EVC2: variants seen among roughly 807,000 people sequenced by gnomAD.
EVC2 encodes the protein limbin.
Under a neutral mutation model 149.3 loss-of-function variants are expected in EVC2, and 148 were observed. The observed-to-expected ratio is 0.99, with a 90% CI of 0.87 to 1.14. EVC2 has a LOEUF of 1.14. EVC2 is among the 50% of genes most tolerant of loss of function. EVC2 has a pLI of 0.00. For missense variants in EVC2, 1,854 were observed against 1,627.3 expected, an observed-to-expected ratio of 1.14 and a Z score of -2.40; for synonymous variants, 776 against 649.9, an observed-to-expected ratio of 1.19 and a Z score of -2.95.
chr4:5,699,386 C>T (rs1398534544), intron 1 of EVC2, among the ~76,000 whole-genome samples: 1 of 152,078 alleles, frequency 6.6e-6, no homozygotes, highest in Non-Finnish European at 1.5e-5. Context: ...CTATGGAGTA[C>T]CAGGCAGCTA....
In EVC2 at chr4:5,618,610, G is replaced by C; in HGVS notation, c.2574C>G (p.Cys858Trp). 1 of 1,613,638 alleles carries C rather than the reference G, an allele frequency of 6.2e-7. No homozygotes were observed. Among genetic ancestry groups the C allele is most frequent in the Non-Finnish European group, 8.5e-7 (1 of 1,179,842 alleles). The change falls in exon 15 of 22, where the codon TGC (cysteine) becomes TGG (tryptophan). Residue 858 changes from cysteine to tryptophan, a missense_variant. Transcript: ENST00000344408. The surrounding 1 kb of genome is among the most constrained non-coding windows in gnomAD (Gnocchi z 4.4). Reference sequence around the variant, plus strand: ...CCAAGCTCCTGTCCATCTGAGCAAAGCAGCCATGGACCTCCTGCCTCATCC... The same window carrying C: ...CCAAGCTCCTGTCCATCTGAGCAAACCAGCCATGGACCTCCTGCCTCATCC... The part of the protein sequence containing the change: ...LLRMRQEVHG[C>W]FAQMDRSLAL...
chr4:5,545,128 A>G (rs1721589651), intron 21 of EVC2, among the ~76,000 whole-genome samples: 1 of 152,172 alleles, frequency 6.6e-6, no homozygotes, highest in South Asian at 2.1e-4. Context: ...ACACCTATAG[A>G]TGGCCCTGTA....
At chr4:5,631,491 T>C in intron 11 of EVC2, among the ~76,000 whole-genome samples, 1 of 152,130 alleles carries the variant, frequency 6.6e-6, no homozygotes, top group Admixed American at 6.5e-5. Flanking sequence ...GTGGGCATTC[T>C]ATCACACTCA....
At chr4:5,645,909 A>G (rs1316007842) in intron 9 of EVC2, among the ~76,000 whole-genome samples, 4 of 152,006 alleles carry the variant, frequency 2.6e-5, no homozygotes, top group Admixed American at 6.6e-5. Context: ...TTGCTCCACA[A>G]CCTCACCAAC....
intron 4 of EVC2, 148 bp downstream of exon 4, chr4:5,691,117 A>T (rs1056872234): frequency 4.4e-6 from 3 of 689,248 alleles, no homozygotes; most frequent in Non-Finnish European, 7.9e-6. Context: ...GATATCACAG[A>T]CCTTGCTATT....
intron 16 of EVC2, among the ~76,000 whole-genome samples, chr4:5,592,298 C>G (rs567217730): frequency 5.9e-5 from 9 of 152,192 alleles, no homozygotes; most frequent in Non-Finnish European, 1.2e-4. Flanking sequence ...CTGAGCTGAA[C>G]CTGTCCCATT....
chr4:5,691,349 A>G lies in EVC2; in HGVS notation c.451-16T>C, dbSNP rs1244022566. The G allele has an allele frequency of 1.3e-5, 20 of 1,592,746 alleles. No individual in the cohort carries two copies. Among genetic ancestry groups the G allele is most frequent in the Non-Finnish European group, 1.7e-5 (20 of 1,163,594 alleles). ...TGTCCCCATACTACAATAAAATGTA[A>G]AAGTTATTAGAAAATGAGAAATATT... On this transcript the variant is annotated splice_polypyrimidine_tract_variant and intron_variant, in intron 3 of 21. Transcript: ENST00000344408.
In EVC2 at chr4:5,691,220, T is replaced by C. The variant is rs746992693; in HGVS notation, c.519+45A>G. ...CTCTAATAAAATGATCTGGGCAAAA[T>C]CCAATTATTTTCTCTTCAAATATAC... On this transcript the variant is annotated intron_variant, in intron 4 of 21. Transcript: ENST00000344408. 3 of 1,552,320 alleles carry C rather than the reference T, an allele frequency of 1.9e-6. No individual in the cohort carries two copies. The South Asian group carries it at 3.3e-5, about 17-fold the overall frequency.
rs755789146 is a variant in EVC2, at chr4:5,665,625, CGTGGAGGCCGTGGTGCGGCAGAACCT to C, written c.871-2_894del. On this transcript the variant is annotated splice_acceptor_variant and coding_sequence_variant, in exon 8 of 22. Coordinates refer to ENST00000344408, the MANE Select transcript of EVC2 (RefSeq NM_147127.5). LOFTEE classifies it high-confidence loss of function. ...AGGAAGGCAATGAAGAACCCTGCTG[CGTGGAGGCCGTGGTGCGGCAGAACCT>C]GTGGAGACAAGAGGAGAGCAGGATT... 6.2e-7 allele frequency: 1 copy of C among 1,614,182 alleles called. No individual in the cohort carries two copies. The highest frequency in any genetic ancestry group is 2.2e-5 in the East Asian group (1 of 44,884).
At chr4:5,666,142 T>C (rs528071237) in intron 7 of EVC2, among the ~76,000 whole-genome samples, 2 of 152,218 alleles carry the variant, frequency 1.3e-5, no homozygotes, top group Non-Finnish European at 2.9e-5. Flanking sequence ...TCTCTTGTCT[T>C]CTGACTGGTG....
chr4:5,557,511 C>T (rs11947153), downstream of EVC2, among the ~76,000 whole-genome samples: 775 of 152,240 alleles, frequency 5.1e-3, 6 homozygotes, highest in African/African-American at 0.018. Flanking sequence ...CAAAGATGTC[C>T]TCTTACAACT....
chr4:5,572,753 T>C (rs1309331325), intron 19 of EVC2, among the ~76,000 whole-genome samples: 1 of 152,222 alleles, frequency 6.6e-6, no homozygotes, highest in Non-Finnish European at 1.5e-5. Flanking sequence ...GGTGAAATTC[T>C]GCTGGTGACA....
intron 7 of EVC2, among the ~76,000 whole-genome samples, chr4:5,672,557 G>A (rs1409837373): frequency 6.6e-6 from 1 of 152,150 alleles, no homozygotes; most frequent in East Asian, 1.9e-4. Flanking sequence ...TTTGATGGGG[G>A]TTCAACTCTT....
chr4:5,695,667 T>G (rs545785782), intron 2 of EVC2, among the ~76,000 whole-genome samples: 1 of 152,318 alleles, frequency 6.6e-6, no homozygotes, highest in Admixed American at 6.5e-5. Flanking sequence ...CTTAGATGTA[T>G]CCAATGCTTC....
At position 5,708,503 on chromosome 4, in the gene EVC2, G is replaced by A. The variant is rs1468421367; in HGVS notation, c.11C>T (p.Ser4Leu). The A allele has an allele frequency of 1.1e-5, 16 of 1,476,626 alleles. No individual in the cohort carries two copies. In the Admixed American group the frequency reaches 2.8e-4, roughly 26 times the overall value. The allele number at this position is 1,476,626 out of a possible 1,614,324, so 91.5% of individuals were successfully genotyped here. MDP[S>L]GSRGRPTWVL... is the part of the protein sequence containing the mutation. Reference sequence around the variant, plus strand: ...CCACGTGGGGCGCCCCCGGGAGCCCGAGGGGTCCATCGCCTGTCGGGACCC... The same window carrying A: ...CCACGTGGGGCGCCCCCGGGAGCCCAAGGGGTCCATCGCCTGTCGGGACCC... Residue 4 changes from serine to leucine, a missense_variant, in exon 1 of 22, where the codon TCG becomes TTG. By Grantham distance (145) the Ser-to-Leu change is moderately radical (BLOSUM62 -2). Coordinates refer to ENST00000344408, the MANE Select transcript of EVC2 (RefSeq NM_147127.5).
At chr4:5,651,951 T>C (rs1219064102) in intron 9 of EVC2, among the ~76,000 whole-genome samples, 2 of 152,240 alleles carry the variant, frequency 1.3e-5, no homozygotes, top group East Asian at 3.8e-4. Flanking sequence ...AATCAGGCGA[T>C]CACAAAATAT....
Position 5,579,062 on chromosome 4 carries a change from A to G in EVC2, c.3058-2608T>C, listed in dbSNP as rs554728436. The stretch of plus-strand genomic sequence containing the variant: ...GGGGCTAAAATGCAGGATCTGAGAG[A>G]GGGAGTGGTGAAAGGTGGGATTTTT... On this transcript the variant is annotated intron_variant, in intron 17 of 21. Coordinates refer to ENST00000344408, the MANE Select transcript of EVC2 (RefSeq NM_147127.5). Among the ~76,000 whole-genome samples, 3 of 152,154 alleles carry G rather than the reference A, an allele frequency of 2.0e-5. No homozygotes were observed. In the East Asian group the frequency reaches 5.8e-4, roughly 29 times the overall value.
rs1197569496 is a variant in EVC2 at position 5,681,185 on chromosome 4, T to C, written c.870+75A>G. ...AAGGCCAGCAGCTGGCCGCTCCCCA[T>C]GGCTCCAAGGACAGGCAGGACCCAC... is the stretch of plus-strand genomic sequence containing the variant. On this transcript the variant is annotated intron_variant, in intron 7 of 21. Transcript: ENST00000344408. The C allele has an allele frequency of 1.9e-6, 3 of 1,569,098 alleles. No individual in the cohort carries two copies. The East Asian group carries it at 6.7e-5, about 35-fold the overall frequency.
At chr4:5,568,975 A>G (rs1224769749) in intron 19 of EVC2, among the ~76,000 whole-genome samples, 2 of 152,166 alleles carry the variant, frequency 1.3e-5, no homozygotes. Flanking sequence ...CTGTGAGGCC[A>G]TTAGGCACCA....
Sources: allele counts gnomAD v4.1 joint callset (sites outside exome capture counted in the v4.1 genomes callset), GRCh38; gene constraint gnomAD v4.1.1; non-coding constraint Gnocchi (gnomAD v3.1); transcripts MANE v1.5; gene names NCBI Gene and HGNC (gene_info 2026-07-23, HGNC 2026-07-21).